Variants in BABAM2 observed in about 807,000 individuals in gnomAD.
BABAM2 encodes BRISC and BRCA1 A complex member 2.
A neutral mutation model predicts 54.7 loss-of-function variants in BABAM2; 31 were observed. That is an observed-to-expected ratio of 0.57 (90% confidence interval 0.43 to 0.77). The LOEUF is 0.77. Among genes scored for constraint, BABAM2 ranks in the 30% least tolerant of loss-of-function variants. The pLI is 0.00. For synonymous variants in BABAM2, 167 were observed against 162.9 expected (o/e 1.03, Z -0.19); for missense variants, 364 against 455.8 (o/e 0.80, Z 1.83).
intron 6 of BABAM2, among the ~76,000 whole-genome samples, chr2:28,112,125 C>CTTTCTTTCTTTCTTTCTT (rs1668098364): frequency 1.4e-4 from 2 of 14,262 alleles, no homozygotes; most frequent in African/African-American, 6.3e-4. Flanking sequence ...TTCTTTCTTT[C>CTTTCTTTCTTTCTTTCTT]TTTCTTTCTT....
chr2:27,987,702 C>T (rs1672498724), intron 3 of BABAM2, among the ~76,000 whole-genome samples: 1 of 151,406 alleles, frequency 6.6e-6, no homozygotes, highest in East Asian at 1.9e-4. Context: ...GTAGGCTCAG[C>T]TCCTTGGGGG....
Position 28,297,125 on chromosome 2 carries a change from T to C in BABAM2, c.935-1213T>C, listed in dbSNP as rs181345083. 3.1e-3 allele frequency among the ~76,000 whole-genome samples: 466 copies of C among 152,352 alleles called. 11 individuals are homozygous for C. The highest frequency in any genetic ancestry group is 9.7e-4 in the Non-Finnish European group (66 of 68,040). On this transcript the variant is annotated intron_variant, in intron 10 of 11. Transcript: ENST00000379624. ...GAGTCGTAAGCAGGTTATGCCAGTG[T>C]CCTCTGGAGTAGGAGAAGGCAATGT...
chr2:28,264,568 G>A (rs1250490306), intron 10 of BABAM2, among the ~76,000 whole-genome samples: 1 of 152,240 alleles, frequency 6.6e-6, no homozygotes, highest in African/African-American at 2.4e-5. Flanking sequence ...TATGTTGGAA[G>A]AATGGAGTGG....
chr2:28,025,199 G>A (rs1675557613), intron 4 of BABAM2, 27 bp from the exon 5 acceptor site: 1 of 1,549,066 alleles, frequency 6.5e-7, no homozygotes, highest in African/African-American at 1.4e-5. Context: ...GTTTTAACTG[G>A]TCTTTTATTT....
At chr2:27,988,128 A>G (rs1199952396) in intron 4 of BABAM2, 41 bp downstream of exon 4, 1 of 1,578,204 alleles carries the variant, frequency 6.3e-7, no homozygotes, top group Non-Finnish European at 8.7e-7. Context: ...TTCTTTGGTG[A>G]AAGGAAAACA....
intron 10 of BABAM2, among the ~76,000 whole-genome samples, chr2:28,279,054 A>G (rs1686119493): frequency 6.6e-6 from 1 of 152,212 alleles, no homozygotes; most frequent in South Asian, 2.1e-4. Flanking sequence ...AGTAGGGATG[A>G]TAGTCAAGAG....
chr2:28,111,145 T>C, intron 6 of BABAM2, among the ~76,000 whole-genome samples: 1 of 124,070 alleles, frequency 8.1e-6, no homozygotes, highest in East Asian at 1.9e-4. Flanking sequence ...TTTTTTTTTT[T>C]TTTTGTATTT....
chr2:27,981,255 T>A (rs1168931305), intron 3 of BABAM2, among the ~76,000 whole-genome samples: 1 of 152,130 alleles, frequency 6.6e-6, no homozygotes, highest in Non-Finnish European at 1.5e-5. Flanking sequence ...AGTAACTGTG[T>A]CACAACTATT....
intron 10 of BABAM2, among the ~76,000 whole-genome samples, chr2:28,287,011 G>A (rs775384143): frequency 1.3e-5 from 2 of 151,864 alleles, no homozygotes; most frequent in East Asian, 1.9e-4. Flanking sequence ...ACTTCGCATT[G>A]GGGTAGTCAC....
chr2:28,326,042 C>A (rs17006689), intron 11 of BABAM2, among the ~76,000 whole-genome samples: 1 of 152,196 alleles, frequency 6.6e-6, no homozygotes, highest in African/African-American at 2.4e-5. Context: ...GAGCACTGTT[C>A]CAGCTGGGGT....
At chr2:28,135,668 C>T (rs1670471884) in intron 7 of BABAM2, among the ~76,000 whole-genome samples, 1 of 152,152 alleles carries the variant, frequency 6.6e-6, no homozygotes, top group Non-Finnish European at 1.5e-5. Context: ...TTCTTCTTTA[C>T]AGCCTGTTTT....
intron 6 of BABAM2, among the ~76,000 whole-genome samples, chr2:28,089,713 A>T (rs1665997677): frequency 6.6e-6 from 1 of 152,224 alleles, no homozygotes; most frequent in African/African-American, 2.4e-5. Context: ...TTCAAATCTT[A>T]TGAGTAAGAA....
intron 10 of BABAM2, among the ~76,000 whole-genome samples, chr2:28,276,958 T>A (rs1177811755): frequency 6.6e-6 from 1 of 152,172 alleles, no homozygotes; most frequent in Non-Finnish European, 1.5e-5. Context: ...ATGTTCTCTG[T>A]GCAGGGCCAT....
intron 6 of BABAM2, among the ~76,000 whole-genome samples, chr2:28,092,467 A>G (rs1442091754): frequency 6.6e-6 from 1 of 152,220 alleles, no homozygotes; most frequent in African/African-American, 2.4e-5. Context: ...AAACAATACC[A>G]TTTAAAATAG....
At chr2:28,079,320 A>G (rs1435579951) in intron 6 of BABAM2, among the ~76,000 whole-genome samples, 1 of 152,156 alleles carries the variant, frequency 6.6e-6, no homozygotes, top group South Asian at 2.1e-4. Context: ...GGCATTCATT[A>G]TATCAGTGAT....
At chr2:28,017,727 A>G (rs773131843) in intron 4 of BABAM2, among the ~76,000 whole-genome samples, 4 of 152,186 alleles carry the variant, frequency 2.6e-5, no homozygotes, top group Admixed American at 6.5e-5. Flanking sequence ...GTCTGTCCCT[A>G]TAGATTTGGC....
At chr2:28,297,024 C>T (rs1687752849) in intron 10 of BABAM2, among the ~76,000 whole-genome samples, 1 of 152,074 alleles carries the variant, frequency 6.6e-6, no homozygotes, top group African/African-American at 2.4e-5. Context: ...ATATCTTCCT[C>T]ATGTAGCTAA....
At chr2:27,937,933 T>C (rs1291295998) in intron 3 of BABAM2, among the ~76,000 whole-genome samples, 1 of 152,228 alleles carries the variant, frequency 6.6e-6, no homozygotes, top group Non-Finnish European at 1.5e-5. Context: ...AGTTTCATAG[T>C]TTCCGATCTT....
intron 11 of BABAM2, among the ~76,000 whole-genome samples, chr2:28,319,086 G>A (rs1689807004): frequency 6.6e-6 from 1 of 152,164 alleles, no homozygotes; most frequent in African/African-American, 2.4e-5. Flanking sequence ...ATGCAAATTA[G>A]GAAGGAAGAA....
Sources: allele counts gnomAD v4.1 joint callset (sites outside exome capture counted in the v4.1 genomes callset), GRCh38; gene constraint gnomAD v4.1.1; transcripts MANE v1.5; gene names NCBI Gene and HGNC (gene_info 2026-07-23, HGNC 2026-07-21).